STXBP4: variants seen among roughly 807,000 people sequenced by gnomAD.
The protein encoded by STXBP4 is syntaxin binding protein 4.
STXBP4 carries 55 observed loss-of-function variants against 76.1 expected under a neutral mutation model. The ratio of observed to expected loss-of-function variants is 0.72; its 90% confidence interval spans 0.58 to 0.91. The LOEUF (loss-of-function observed/expected upper bound fraction) is 0.91, where lower values mean the gene tolerates loss of function less well. STXBP4 is among the 40% of genes least tolerant of loss of function. The pLI, the probability that STXBP4 is intolerant of heterozygous loss-of-function variation, is 0.00. For synonymous variants in STXBP4, 201 were observed against 220.2 expected (o/e 0.91, Z 0.77); for missense variants, 618 against 636.9 (o/e 0.97, Z 0.32).
rs965938607 is a variant in STXBP4, at chr17:55,168,544, G to T, written c.*8633G>T. ...AAAAAAAGATTTAAAATATGACTTA[G>T]TAGTTAGAATTTTTATCTTATACGC... On this transcript the variant is annotated 3_prime_UTR_variant, in exon 18 of 18. Coordinates refer to ENST00000376352, the MANE Select transcript of STXBP4 (RefSeq NM_178509.6). 6.6e-6 allele frequency: 1 copy of T among 152,162 alleles called. No homozygotes were observed. The highest frequency in any genetic ancestry group is 2.4e-5 in the African/African-American group (1 of 41,450). The allele number at this position is 152,162 out of a possible 1,614,324, so 9.4% of individuals were successfully genotyped here.
Position 55,163,568 on chromosome 17 carries a change from T to G in STXBP4, c.*3657T>G, listed in dbSNP as rs1004291988. Reference sequence around the variant, plus strand: ...ATCCCTTGCCTTTTCTCAAACCAGTTCAACTCAGCAAACACTTCCTGAGCA... The same window carrying G: ...ATCCCTTGCCTTTTCTCAAACCAGTGCAACTCAGCAAACACTTCCTGAGCA... On this transcript the variant is annotated 3_prime_UTR_variant, in exon 18 of 18. Transcript: ENST00000376352. The G allele has an allele frequency of 6.6e-6, 1 of 152,178 alleles. No individual in the cohort carries two copies. Among genetic ancestry groups the G allele is most frequent in the Admixed American group, 6.5e-5 (1 of 15,280 alleles). 9.4% of individuals were successfully genotyped at this position (152,178 alleles called of 1,614,324 possible).
chr17:54,996,847 G>A (rs937596968), intron 4 of STXBP4, among the ~76,000 whole-genome samples: 1 of 152,204 alleles, frequency 6.6e-6, no homozygotes, highest in African/African-American at 2.4e-5. Flanking sequence ...ATATTGAAAT[G>A]TATTATTTAG....
intron 8 of STXBP4, among the ~76,000 whole-genome samples, chr17:55,020,952 C>CT (rs932132770): frequency 6.6e-6 from 1 of 152,172 alleles, no homozygotes; most frequent in African/African-American, 2.4e-5. Context: ...ACATCAGGAA[C>CT]TACTGGAACT....
chr17:55,081,902 A>T (rs1479795932), intron 16 of STXBP4, among the ~76,000 whole-genome samples: 3 of 152,154 alleles, frequency 2.0e-5, no homozygotes, highest in Admixed American at 2.0e-4. Context: ...CTTGGGGAAA[A>T]CTTAAATGAT....
At chr17:55,007,446 C>A in intron 7 of STXBP4, 60 bp from the exon 8 acceptor site, 1 of 1,191,872 alleles carries the variant, frequency 8.4e-7, no homozygotes, top group South Asian at 1.2e-5. Flanking sequence ...CATATCCTGT[C>A]AAATAAAAAT....
At chr17:55,103,474 G>A (rs1372254818) in intron 16 of STXBP4, among the ~76,000 whole-genome samples, 1 of 151,818 alleles carries the variant, frequency 6.6e-6, no homozygotes, top group African/African-American at 2.4e-5. Context: ...CCTCTGTTCT[G>A]TTCCATTGGT....
chr17:55,174,977 T>C (rs2080424082), downstream of STXBP4, among the ~76,000 whole-genome samples: 1 of 151,838 alleles, frequency 6.6e-6, no homozygotes, highest in Non-Finnish European at 1.5e-5. Flanking sequence ...TGAGCCAAGA[T>C]AGCGCCACTG....
the STXBP4 span, among the ~76,000 whole-genome samples, chr17:55,212,452 G>A: frequency 1.3e-5 from 2 of 152,042 alleles, no homozygotes; most frequent in African/African-American, 4.8e-5. Context: ...TAGCATAGTG[G>A]CAGATACATG....
At chr17:54,999,291 A>AT (rs370898760) in intron 4 of STXBP4, 54 bp from the exon 5 acceptor site, 194 of 1,401,952 alleles carry the variant, frequency 1.4e-4, no homozygotes, top group South Asian at 1.7e-4. Context: ...ACATCAATTA[A>AT]TTTTTTTTTA....
At position 55,112,109 on chromosome 17, in the gene STXBP4, G is replaced by A. The variant is rs114034868; in HGVS notation, c.1490-29201G>A. The stretch of plus-strand genomic sequence containing the variant: ...TTTACTCTTTTTTTTTTAAAGCGAT[G>A]GGGTCTTGCTGTGTTGCCCAGGCTG... On this transcript the variant is annotated intron_variant, in intron 16 of 17. Coordinates refer to ENST00000376352, the MANE Select transcript of STXBP4 (RefSeq NM_178509.6). 7.1e-3 allele frequency among the ~76,000 whole-genome samples: 1,078 copies of A among 152,070 alleles called. 16 individuals are homozygous for A. The highest frequency in any genetic ancestry group is 0.025 in the African/African-American group (1,020 of 41,488).
At chr17:55,097,607 G>A (rs2079507867) in intron 16 of STXBP4, among the ~76,000 whole-genome samples, 1 of 151,184 alleles carries the variant, frequency 6.6e-6, no homozygotes, top group Non-Finnish European at 1.5e-5. Flanking sequence ...AGCTTGCAAT[G>A]AGCTGAGGTT....
chr17:55,052,368 G>A (rs903482403), intron 12 of STXBP4, among the ~76,000 whole-genome samples: 4 of 152,124 alleles, frequency 2.6e-5, no homozygotes, highest in African/African-American at 9.7e-5. Flanking sequence ...GTAATGTATT[G>A]CAGACTATAG....
chr17:55,087,796 G>A (rs1162657406), intron 16 of STXBP4, among the ~76,000 whole-genome samples: 1 of 151,918 alleles, frequency 6.6e-6, no homozygotes, highest in East Asian at 1.9e-4. Flanking sequence ...GTATTTTGAT[G>A]GGTATTATAT....
At chr17:55,200,483 T>C in the STXBP4 span, among the ~76,000 whole-genome samples, 3 of 152,218 alleles carry the variant, frequency 2.0e-5, no homozygotes, top group Admixed American at 2.0e-4. Flanking sequence ...AGCAAGTACT[T>C]CATAGCACTT....
chr17:54,991,937 A>G (rs1353321382), intron 4 of STXBP4: 1 of 151,980 alleles, frequency 6.6e-6, no homozygotes, highest in Admixed American at 6.6e-5. Context: ...CCCACCGCCC[A>G]TATCCCTCCC....
In STXBP4 at chr17:55,173,262, C is replaced by T. The variant is rs963345692; in HGVS notation, c.*13351C>T. ...TAACACATGTCTAGTTATTTGACCA[C>T]AACCGTAATCAAGATACAGAACAGT... On this transcript the variant is annotated 3_prime_UTR_variant, in exon 18 of 18. Transcript: ENST00000376352. 3 of 152,158 alleles carry T rather than the reference C, an allele frequency of 2.0e-5. No individual in the cohort carries two copies. The highest frequency in any genetic ancestry group is 7.2e-5 in the African/African-American group (3 of 41,430). The allele number at this position is 152,158 out of a possible 1,614,324, so 9.4% of individuals were successfully genotyped here.
intron 16 of STXBP4, among the ~76,000 whole-genome samples, chr17:55,138,112 G>A (rs1402711944): frequency 1.3e-5 from 2 of 151,914 alleles, no homozygotes; most frequent in Admixed American, 1.3e-4. Context: ...ACCTTTTTCT[G>A]TGCTATGACT....
chr17:55,181,522 A>G, the STXBP4 span, among the ~76,000 whole-genome samples: 19 of 152,320 alleles, frequency 1.2e-4, no homozygotes, highest in East Asian at 3.7e-3. Flanking sequence ...CCTGAACTGC[A>G]TCCCTCTCCT....
intron 10 of STXBP4, among the ~76,000 whole-genome samples, chr17:55,034,961 G>T (rs2078572852): frequency 6.6e-6 from 1 of 151,706 alleles, no homozygotes; most frequent in Non-Finnish European, 1.5e-5. Context: ...TCCTCTTAAG[G>T]ACCTCCTTCT....
Sources: allele counts gnomAD v4.1 joint callset (sites outside exome capture counted in the v4.1 genomes callset), GRCh38; gene constraint gnomAD v4.1.1; transcripts MANE v1.5; gene names NCBI Gene and HGNC (gene_info 2026-07-23, HGNC 2026-07-21).